Variants in CHID1 observed in about 807,000 individuals in gnomAD.
The protein encoded by CHID1 is chitinase domain-containing protein 1.
Under a neutral mutation model 55.4 loss-of-function variants are expected in CHID1, and 44 were observed. The ratio of observed to expected loss-of-function variants is 0.79; its 90% confidence interval spans 0.62 to 1.02. The LOEUF (loss-of-function observed/expected upper bound fraction) is 1.02. CHID1 is among the 50% of genes least tolerant of loss of function. The pLI is 0.00. For synonymous variants in CHID1, 216 were observed against 212.9 expected (o/e 1.01, Z -0.13); for missense variants, 491 against 515.3 (o/e 0.95, Z 0.46).
upstream of CHID1, among the ~76,000 whole-genome samples, chr11:912,666 A>G (rs1009468358): frequency 3.9e-5 from 6 of 152,044 alleles, no homozygotes; most frequent in African/African-American, 1.4e-4. Context: ...AACACGGTGA[A>G]ACCCCGTCTC....
chr11:914,849 C>A (rs995892387), upstream of CHID1: 6 of 328,980 alleles, frequency 1.8e-5, no homozygotes, highest in East Asian at 4.6e-4. Flanking sequence ...CGGCTCTGGG[C>A]GACTCCTCAT....
At chr11:896,614 G>A (rs1333298712) in intron 7 of CHID1, among the ~76,000 whole-genome samples, 4 of 128,532 alleles carry the variant, frequency 3.1e-5, no homozygotes, top group Non-Finnish European at 6.4e-5. Context: ...CAGACACAAT[G>A]AGCCTGTCTC....
At chr11:881,246 C>A (rs1424562961) in intron 10 of CHID1, among the ~76,000 whole-genome samples, 2 of 151,990 alleles carry the variant, frequency 1.3e-5, no homozygotes, top group Admixed American at 6.6e-5. Context: ...GAGTTCAAGA[C>A]CAGCCTGGAC....
At chr11:877,346 G>A (rs1439868783) in intron 10 of CHID1, among the ~76,000 whole-genome samples, 2 of 152,188 alleles carry the variant, frequency 1.3e-5, no homozygotes, top group African/African-American at 4.8e-5. Context: ...CACCTCCACA[G>A]CTCAGGCATT....
upstream of CHID1, among the ~76,000 whole-genome samples, chr11:912,254 G>C (rs1852737110): frequency 2.0e-5 from 3 of 152,208 alleles, no homozygotes; most frequent in Admixed American, 2.0e-4. Context: ...GGAGGCTGAA[G>C]TTGCAGTGAG....
upstream of CHID1, chr11:911,063 G>A (rs2134400895): frequency 6.5e-6 from 1 of 152,830 alleles, no homozygotes; most frequent in Admixed American, 6.5e-5. Flanking sequence ...CCGGCCCAGG[G>A]GTAGCCGGGT....
At chr11:909,287 C>A (rs192951375) in intron 1 of CHID1, among the ~76,000 whole-genome samples, 189 of 152,348 alleles carry the variant, frequency 1.2e-3, no homozygotes, top group African/African-American at 4.4e-3. Flanking sequence ...TGCATCAAAC[C>A]GTTTCTTCCC....
Position 869,493 on chromosome 11 carries a change from G to C in CHID1, c.*365C>G, listed in dbSNP as rs578229762. 1 of 321,152 alleles carries C rather than the reference G, an allele frequency of 3.1e-6. No individual in the cohort carries two copies. The allele number at this position is 321,152 out of a possible 1,614,324, so 19.9% of individuals were successfully genotyped here. A position where few individuals can be genotyped will look rare whatever the true frequency, so the allele number is the denominator to read the frequency against. ...CTCGAATCCAGGAGTGGGCGAGTCC[G>C]GGATGGTTCCAGAGCTTCCAAACCC... On this transcript the variant is annotated 3_prime_UTR_variant, in exon 13 of 13. Transcript: ENST00000323578.
intron 8 of CHID1, among the ~76,000 whole-genome samples, chr11:890,402 A>G (rs530040586): frequency 1.1e-4 from 17 of 152,324 alleles, no homozygotes; most frequent in African/African-American, 3.8e-4. Context: ...TGGGCTCCAC[A>G]TATAGCGATG....
At chr11:910,146 G>A (rs1169396511) in intron 1 of CHID1, among the ~76,000 whole-genome samples, 1 of 152,146 alleles carries the variant, frequency 6.6e-6, no homozygotes, top group Non-Finnish European at 1.5e-5. Flanking sequence ...CTAGAGCCCA[G>A]GAAGTCGAGG....
At chr11:904,571 G>A (rs1034515226) in intron 2 of CHID1, 135 bp downstream of exon 2, 15 of 973,398 alleles carry the variant, frequency 1.5e-5, no homozygotes, top group Non-Finnish European at 2.3e-5. Flanking sequence ...ACCGGCTGCG[G>A]GCTCATCAGG....
intron 10 of CHID1, among the ~76,000 whole-genome samples, chr11:873,138 G>A (rs1346524066): frequency 6.6e-6 from 1 of 152,166 alleles, no homozygotes; most frequent in African/African-American, 2.4e-5. Flanking sequence ...AAAAGCCCAG[G>A]GAGGGTCTGA....
intron 11 of CHID1, 62 bp downstream of exon 11, chr11:870,357 C>T (rs1018415343): frequency 7.0e-7 from 1 of 1,437,616 alleles, no homozygotes. Flanking sequence ...CCCTCATCTC[C>T]ACCCCCAGGG....
chr11:869,692 G>A lies in CHID1; in HGVS notation c.*166C>T, dbSNP rs1849033491. ...CCCAGCTAGGACTCATCCAGGGCAG[G>A]GACCCCTCATGGGAGGATGGGGAGT... On this transcript the variant is annotated 3_prime_UTR_variant, in exon 13 of 13. Coordinates refer to ENST00000323578, the MANE Select transcript of CHID1 (RefSeq NM_023947.4). The A allele has an allele frequency of 1.5e-6, 1 of 648,218 alleles. No individual in the cohort carries two copies. Among genetic ancestry groups the A allele is most frequent in the Admixed American group, 2.5e-5 (1 of 39,230 alleles). The allele number at this position is 648,218 out of a possible 1,614,324, so 40.2% of individuals were successfully genotyped here.
At chr11:900,373 C>T (rs529805740) in intron 5 of CHID1, among the ~76,000 whole-genome samples, 4 of 152,324 alleles carry the variant, frequency 2.6e-5, no homozygotes, top group African/African-American at 9.6e-5. Flanking sequence ...CCACACGGCT[C>T]AGCATGGTTG....
Position 869,997 on chromosome 11 carries a change from C to A in CHID1, c.1084-41G>T. The stretch of plus-strand genomic sequence containing the variant: ...GGTGTGAGCACCTGCTGGGGCCTGT[C>A]CCCCCAACACCCAGGGATGTCCTCC... On this transcript the variant is annotated intron_variant, in intron 12 of 12. Coordinates refer to ENST00000323578, the MANE Select transcript of CHID1 (RefSeq NM_023947.4). The A allele has an allele frequency of 2.5e-6, 4 of 1,603,872 alleles. No homozygotes were observed. In the South Asian group the frequency reaches 3.3e-5, roughly 13 times the overall value.
chr11:868,169 C>T lies in CHID1; in HGVS notation c.*1689G>A, dbSNP rs1848973297. 1 of 152,074 alleles carries T rather than the reference C, an allele frequency of 6.6e-6. No individual in the cohort carries two copies. The highest frequency in any genetic ancestry group is 2.1e-4 in the South Asian group (1 of 4,804). 9.4% of individuals were successfully genotyped at this position (152,074 alleles called of 1,614,324 possible). ...CCTCCCAGACCTGCGTGTCCCCCAC[C>T]CTCACTCCAACAGAAGCCACAGGAC... On this transcript the variant is annotated 3_prime_UTR_variant, in exon 13 of 13. Transcript: ENST00000323578.
Position 870,199 on chromosome 11 carries a change from G to A in CHID1, c.1041-36C>T, listed in dbSNP as rs572134914. ...AAGGGACTGTCAGCCCATCCGCTCTGCTGGTTCCAGGCCTCCTCCCCTCAC... is the reference window on the plus strand; with the variant it reads ...AAGGGACTGTCAGCCCATCCGCTCTACTGGTTCCAGGCCTCCTCCCCTCAC... On this transcript the variant is annotated intron_variant, in intron 11 of 12. Transcript: ENST00000323578. 4.3e-6 allele frequency: 7 copies of A among 1,612,808 alleles called. No individual in the cohort carries two copies. In the Admixed American group the frequency reaches 5.0e-5, roughly 12 times the overall value.
At chr11:895,920 C>T (rs1270101848) in intron 7 of CHID1, among the ~76,000 whole-genome samples, 5 of 152,078 alleles carry the variant, frequency 3.3e-5, no homozygotes, top group African/African-American at 1.2e-4. Flanking sequence ...AGCTCCCCAC[C>T]TTCCTGCAGG....
Sources: allele counts gnomAD v4.1 joint callset (sites outside exome capture counted in the v4.1 genomes callset), GRCh38; gene constraint gnomAD v4.1.1; transcripts MANE v1.5; gene names NCBI Gene and HGNC (gene_info 2026-07-23, HGNC 2026-07-21).